SLC9A1: variants seen among roughly 807,000 people sequenced by gnomAD.
SLC9A1 encodes solute carrier family 9 member A1.
SLC9A1 carries 22 observed loss-of-function variants against 67.9 expected under a neutral mutation model. The observed-to-expected ratio is 0.32, with a 90% CI of 0.23 to 0.46. The LOEUF (loss-of-function observed/expected upper bound fraction) is 0.46, where lower values mean the gene tolerates loss of function less well. SLC9A1 is among the 20% of genes least tolerant of loss of function. The pLI is 1.00. For missense variants in SLC9A1, 686 were observed against 1,094.8 expected (o/e 0.63, Z 5.27); for synonymous variants, 421 against 471.8 (o/e 0.89, Z 1.40).
At chr1:27,107,898 T>C (rs550211590) in intron 3 of SLC9A1, 33 bp from the exon 4 acceptor site, 2 of 1,497,220 alleles carry the variant, frequency 1.3e-6, no homozygotes, top group South Asian at 2.4e-5. Flanking sequence ...CAGGGCTCCG[T>C]GTCGAGCTGC....
At chr1:27,105,705 CT>C (rs1405712575) in intron 5 of SLC9A1, 179 bp downstream of exon 5, 4 of 719,478 alleles carry the variant, frequency 5.6e-6, no homozygotes, top group Non-Finnish European at 1.0e-5. Flanking sequence ...ACAATTCTCA[CT>C]TTACGATTGA....
chr1:27,122,344 G>A (rs1182672275), intron 1 of SLC9A1, among the ~76,000 whole-genome samples: 3 of 152,188 alleles, frequency 2.0e-5, no homozygotes, highest in African/African-American at 7.2e-5. Flanking sequence ...ACTTCCTGAA[G>A]GATGTAGGAC....
At position 27,100,707 on chromosome 1, in the gene SLC9A1, C is replaced by A; in HGVS notation, c.2111-63G>T. ...CTGGAGCCCGGCCCAGCACGTGCCACTCGGCCGCGTCAGTGCCTCCTTCAG... is the reference window on the plus strand; with the variant it reads ...CTGGAGCCCGGCCCAGCACGTGCCAATCGGCCGCGTCAGTGCCTCCTTCAG... On this transcript the variant is annotated intron_variant, in intron 11 of 11. Coordinates refer to ENST00000263980, the MANE Select transcript of SLC9A1 (RefSeq NM_003047.5). The surrounding 1 kb of genome is among the most constrained non-coding windows in gnomAD (Gnocchi z 5.6). 1 of 1,387,244 alleles carries A rather than the reference C, an allele frequency of 7.2e-7. No homozygotes were observed. Among genetic ancestry groups the A allele is most frequent in the Admixed American group, 2.0e-5 (1 of 49,850 alleles). The allele number at this position is 1,387,244 out of a possible 1,614,324, so 85.9% of individuals were successfully genotyped here.
At chr1:27,142,495 C>G (rs1434417108) in intron 1 of SLC9A1, among the ~76,000 whole-genome samples, 1 of 152,202 alleles carries the variant, frequency 6.6e-6, no homozygotes, top group Non-Finnish European at 1.5e-5. Context: ...ACAGCAGAGG[C>G]CAGTCAGGGC....
At chr1:27,117,223 T>G (rs527568259) in intron 1 of SLC9A1, among the ~76,000 whole-genome samples, 2 of 151,856 alleles carry the variant, frequency 1.3e-5, no homozygotes, top group South Asian at 4.1e-4. Flanking sequence ...ATAAGCAGGA[T>G]GAAGATTTAG....
chr1:27,110,987 G>C (rs2083223822), intron 2 of SLC9A1, among the ~76,000 whole-genome samples: 1 of 152,216 alleles, frequency 6.6e-6, no homozygotes, highest in South Asian at 2.1e-4. Context: ...ACAGACCTGA[G>C]ACCAGGCAGC....
intron 1 of SLC9A1, among the ~76,000 whole-genome samples, chr1:27,151,835 C>T (rs963607299): frequency 1.3e-5 from 2 of 152,174 alleles, no homozygotes; most frequent in African/African-American, 4.8e-5. Flanking sequence ...CACTCATGGC[C>T]AGATGCTAGA....
At chr1:27,135,939 C>A (rs1012495357) in intron 1 of SLC9A1, among the ~76,000 whole-genome samples, 3 of 152,214 alleles carry the variant, frequency 2.0e-5, no homozygotes, top group Non-Finnish European at 2.9e-5. Flanking sequence ...GTGGTTACCC[C>A]AGAATTATCT....
At position 27,103,303 on chromosome 1, in the gene SLC9A1, TG is replaced by T; in HGVS notation, c.1494del (p.Ile499PhefsTer5). 6.2e-7 allele frequency: 1 copy of T among 1,613,612 alleles called. No individual in the cohort carries two copies. Among genetic ancestry groups the T allele is most frequent in the Non-Finnish European group, 8.5e-7 (1 of 1,179,606 alleles). ...IFFTVFVQGM[T>X]IRPLVDLLAV... ...GCCAACAGGTCTACCAGGGGCCGAATGGTCATGCCCTGGGGGGCAGGCAGGT... is the reference window on the plus strand; with the variant it reads ...GCCAACAGGTCTACCAGGGGCCGAATGTCATGCCCTGGGGGGCAGGCAGGT... On this transcript the variant is annotated frameshift_variant, in exon 6 of 12. Transcript: ENST00000263980. LOFTEE classifies it high-confidence loss of function.
At position 27,109,711 on chromosome 1, in the gene SLC9A1, C is replaced by T. The variant is rs1437940515; in HGVS notation, c.880G>A (p.Gly294Ser). 7.4e-6 allele frequency: 12 copies of T among 1,613,928 alleles called. No homozygotes were observed. Among genetic ancestry groups the T allele is most frequent in the Admixed American group, 3.3e-5 (2 of 59,996 alleles). ...EHVGIVDIFL[G>S]FLSFFVVALG... Reference sequence around the variant, plus strand: ...GCCACCACGAAGAAGCTCAGGAAGCCGAGGAAGATGTCCACGATGCCCACG... The same window carrying T: ...GCCACCACGAAGAAGCTCAGGAAGCTGAGGAAGATGTCCACGATGCCCACG... The change falls in exon 3 of 12, where the codon GGC (glycine) becomes AGC (serine). Residue 294 changes from glycine (G) to serine (S), a missense_variant. By Grantham distance (56) the Gly-to-Ser change is moderately conservative. Transcript: ENST00000263980. The surrounding 1 kb of genome is among the most constrained non-coding windows in gnomAD (Gnocchi z 5.5).
Position 27,114,224 on chromosome 1 carries a change from C to T in SLC9A1, c.415G>A (p.Gly139Arg). The T allele has an allele frequency of 6.2e-7, 1 of 1,613,990 alleles. No individual in the cohort carries two copies. Among genetic ancestry groups the T allele is most frequent in the Non-Finnish European group, 8.5e-7 (1 of 1,179,880 alleles). Residue 139 changes from glycine to arginine, a missense_variant, in exon 2 of 12, where the codon GGG becomes AGG. Transcript: ENST00000263980. The surrounding 1 kb of genome is among the most constrained non-coding windows in gnomAD (Gnocchi z 5.4). ...TTGATCAGGCCCCCCACCAGCAGCCCCACCACGATCAGCAGGCAGCTCTCC... is the reference window on the plus strand; with the variant it reads ...TTGATCAGGCCCCCCACCAGCAGCCTCACCACGATCAGCAGGCAGCTCTCC... ...VPESCLLIVV[G>R]LLVGGLIKGV... is the part of the protein sequence containing the mutation.
intron 1 of SLC9A1, among the ~76,000 whole-genome samples, chr1:27,133,765 A>ATT (rs996909009): frequency 1.4e-5 from 2 of 138,570 alleles, no homozygotes; most frequent in African/African-American, 2.6e-5. Flanking sequence ...AGCCCTGGTA[A>ATT]TTTTTTTTTT....
intron 5 of SLC9A1, among the ~76,000 whole-genome samples, chr1:27,104,297 G>A (rs1434811705): frequency 6.6e-6 from 1 of 152,120 alleles, no homozygotes; most frequent in Non-Finnish European, 1.5e-5. Flanking sequence ...GGCCAGGCTG[G>A]TCTGGAACTC....
At chr1:27,133,153 C>T (rs747305133) in intron 1 of SLC9A1, among the ~76,000 whole-genome samples, 8 of 151,984 alleles carry the variant, frequency 5.3e-5, no homozygotes, top group Non-Finnish European at 8.8e-5. Context: ...CTGCAACCTC[C>T]GTCTCCTGGG....
intron 6 of SLC9A1, 143 bp from the exon 7 acceptor site, chr1:27,102,886 C>G (rs1485888042): frequency 6.9e-6 from 5 of 729,120 alleles, no homozygotes; most frequent in Non-Finnish European, 7.1e-6. Flanking sequence ...AGGTGGCGCC[C>G]ACACTCCACT....
At chr1:27,145,754 T>C (rs1197917119) in intron 1 of SLC9A1, among the ~76,000 whole-genome samples, 1 of 152,064 alleles carries the variant, frequency 6.6e-6, no homozygotes, top group Non-Finnish European at 1.5e-5. Flanking sequence ...CTGGGGTAAT[T>C]TGGGGGGAAC....
intron 1 of SLC9A1, among the ~76,000 whole-genome samples, chr1:27,121,302 C>T (rs2083302929): frequency 6.6e-6 from 1 of 152,196 alleles, no homozygotes; most frequent in South Asian, 2.1e-4. Flanking sequence ...AAGCAGCATA[C>T]ACTGGACTAT....
At position 27,101,950 on chromosome 1, in the gene SLC9A1, G is replaced by A. The variant is rs2083148867; in HGVS notation, c.1935+66C>T. 6.9e-7 allele frequency: 1 copy of A among 1,451,134 alleles called. No homozygotes were observed. The highest frequency in any genetic ancestry group is 9.7e-7 in the Non-Finnish European group (1 of 1,035,562). 89.9% of individuals were successfully genotyped at this position (1,451,134 alleles called of 1,614,324 possible). A position where few individuals can be genotyped will look rare whatever the true frequency, so the allele number is the denominator to read the frequency against. On this transcript the variant is annotated intron_variant, in intron 9 of 11. Coordinates refer to ENST00000263980, the MANE Select transcript of SLC9A1 (RefSeq NM_003047.5). This position sits in a 1 kb window ranked among gnomAD's most constrained non-coding sequence, Gnocchi z 4.9. ...TGCCGAGGGGCACGGGCAGGGCAGG[G>A]CTGCCGTAGAGAGGGGCTGAAGGGC...
Position 27,102,581 on chromosome 1 carries a change from G to A in SLC9A1, c.1647-23C>T, listed in dbSNP as rs377584403. 52 of 1,608,812 alleles carry A rather than the reference G, an allele frequency of 3.2e-5. No individual in the cohort carries two copies. In the African/African-American group the frequency reaches 5.1e-4, roughly 16 times the overall value. ...AGCCTGGTGGGAGGAGGAGGGAGAC[G>A]GATGGCGCCAGCTTCCAGGAGTGGG... is the stretch of plus-strand genomic sequence containing the variant. On this transcript the variant is annotated intron_variant, in intron 7 of 11. Transcript: ENST00000263980.
Sources: gnomAD v4.1 joint callset for allele counts (sites outside exome capture counted in the v4.1 genomes callset) on GRCh38, gnomAD v4.1.1 for gene constraint, Gnocchi (gnomAD v3.1) non-coding constraint, MANE v1.5 for transcripts, NCBI Gene and HGNC (gene_info 2026-07-23, HGNC 2026-07-21) for gene names.